Variants in TXNDC16 observed in about 807,000 individuals in gnomAD.
TXNDC16 encodes thioredoxin domain containing 16, also known as thioredoxin domain-containing protein 16.
A neutral mutation model predicts 85.6 loss-of-function variants in TXNDC16; 74 were observed. The observed-to-expected ratio is 0.86, with a 90% CI of 0.72 to 1.05. The LOEUF is 1.05. Among genes scored for constraint, TXNDC16 ranks in the 50% least tolerant of loss-of-function variants. TXNDC16 has a pLI of 0.00. For missense variants in TXNDC16, 959 were observed against 947.0 expected, an observed-to-expected ratio of 1.01 and a Z score of -0.17; for synonymous variants, 335 against 326.5, an observed-to-expected ratio of 1.03 and a Z score of -0.28.
chr14:52,458,605 G>A (rs1435095511), intron 16 of TXNDC16, among the ~76,000 whole-genome samples: 7 of 152,126 alleles, frequency 4.6e-5, no homozygotes, highest in African/African-American at 1.7e-4. Context: ...TATTTTTTTA[G>A]CCCATGCTAC....
Position 52,530,446 on chromosome 14 carries a change from T to A in TXNDC16, c.392+6273A>T, listed in dbSNP as rs868503048. On this transcript the variant is annotated intron_variant, in intron 6 of 20. Transcript: ENST00000281741. ...TTATATATAATAATATATAATATAT[T>A]ATTATATAATAATATATATTATATA... 5.4e-4 allele frequency among the ~76,000 whole-genome samples: 8 copies of A among 14,718 alleles called. 3 individuals carry two copies. Among genetic ancestry groups the A allele is most frequent in the Non-Finnish European group, 5.8e-4 (6 of 10,262 alleles). 9.7% of individuals were successfully genotyped at this position (14,718 alleles called of 152,430 possible). A position where few individuals can be genotyped will look rare whatever the true frequency, so the allele number is the denominator to read the frequency against.
chr14:52,476,688 G>T (rs565233830), intron 14 of TXNDC16, among the ~76,000 whole-genome samples: 4 of 152,264 alleles, frequency 2.6e-5, no homozygotes, highest in African/African-American at 9.6e-5. Context: ...TTGGGATTAT[G>T]TTAAACAACC....
intron 14 of TXNDC16, among the ~76,000 whole-genome samples, chr14:52,480,975 G>GTATGTATATATATATATATATATATATA (rs2036134558): frequency 1.5e-5 from 2 of 135,002 alleles, no homozygotes; most frequent in African/African-American, 5.6e-5. Context: ...ATATATATAT[G>GTATGTATATATATATATATATATATATA]TATATATATA....
intron 3 of TXNDC16, 134 bp downstream of exon 3, chr14:52,543,264 C>T (rs1228099807): frequency 2.0e-6 from 2 of 999,690 alleles, no homozygotes; most frequent in African/African-American, 1.7e-5. Context: ...CGGATTCAAA[C>T]CCAGTCAGAC....
chr14:52,478,191 G>C (rs2036061613), intron 14 of TXNDC16, among the ~76,000 whole-genome samples: 1 of 152,188 alleles, frequency 6.6e-6, no homozygotes, highest in South Asian at 2.1e-4. Flanking sequence ...GTGCTAAGAG[G>C]AAAGTTCATA....
At chr14:52,466,282 A>C (rs761862485) in intron 16 of TXNDC16, among the ~76,000 whole-genome samples, 8 of 150,588 alleles carry the variant, frequency 5.3e-5, no homozygotes, top group Non-Finnish European at 1.2e-4. Context: ...AGTCCCAACA[A>C]CCTGGGAGAA....
intron 11 of TXNDC16, 117 bp downstream of exon 11, chr14:52,490,274 G>T: frequency 1.5e-6 from 1 of 655,262 alleles, no homozygotes; most frequent in Non-Finnish European, 2.3e-6. Flanking sequence ...AATTTTCTTT[G>T]AATAGGAGCA....
At chr14:52,506,949 C>T (rs1372617982) in intron 9 of TXNDC16, among the ~76,000 whole-genome samples, 2 of 151,720 alleles carry the variant, frequency 1.3e-5, no homozygotes, top group Non-Finnish European at 2.9e-5. Flanking sequence ...AAACCCACAG[C>T]CAATATCATA....
At chr14:52,541,977 C>T (rs2037840692) in intron 4 of TXNDC16, among the ~76,000 whole-genome samples, 1 of 151,982 alleles carries the variant, frequency 6.6e-6, no homozygotes, top group South Asian at 2.1e-4. Flanking sequence ...ATTTGTTTAC[C>T]TCCATTTTGT....
rs777361270 is a variant in TXNDC16 at position 52,488,533 on chromosome 14, G to T, written c.985-47C>A. ...AAAAATGAATATAGCAAAGTATTTTGACATAAAAATGTTTTACTTGGGCCA... is the reference window on the plus strand; with the variant it reads ...AAAAATGAATATAGCAAAGTATTTTTACATAAAAATGTTTTACTTGGGCCA... On this transcript the variant is annotated intron_variant, in intron 11 of 20. Coordinates refer to ENST00000281741, the MANE Select transcript of TXNDC16 (RefSeq NM_020784.3). The T allele has an allele frequency of 4.7e-6, 7 of 1,492,174 alleles. No individual in the cohort carries two copies. The Admixed American group carries it at 9.7e-5, about 21-fold the overall frequency. 92.4% of individuals were successfully genotyped at this position (1,492,174 alleles called of 1,614,324 possible).
At position 52,502,439 on chromosome 14, in the gene TXNDC16, T is replaced by C. The variant is rs2036681334; in HGVS notation, c.756+8801A>G. On this transcript the variant is annotated intron_variant, in intron 9 of 20. Transcript: ENST00000281741. ...GACATTGTATTTTATAAAACGTGTA[T>C]TTCAAGGGGCTGTTGTTCCTACAGA... 3.9e-5 allele frequency among the ~76,000 whole-genome samples: 6 copies of C among 152,238 alleles called. No homozygotes were observed. The South Asian group carries it at 1.2e-3, about 31-fold the overall frequency.
At chr14:52,489,871 T>C (rs1420011556) in intron 11 of TXNDC16, among the ~76,000 whole-genome samples, 1 of 152,216 alleles carries the variant, frequency 6.6e-6, no homozygotes, top group African/African-American at 2.4e-5. Flanking sequence ...GGTCTGTCTC[T>C]GTCACCCAGG....
chr14:52,541,151 GCTTGA>G (rs2037822301), intron 4 of TXNDC16, among the ~76,000 whole-genome samples: 2 of 151,814 alleles, frequency 1.3e-5, no homozygotes, highest in Non-Finnish European at 2.9e-5. Context: ...CAAGAGAATC[GCTTGA>G]ACCTGGGAGG....
chr14:52,508,819 A>G (rs2036881500), intron 9 of TXNDC16, among the ~76,000 whole-genome samples: 1 of 152,172 alleles, frequency 6.6e-6, no homozygotes, highest in South Asian at 2.1e-4. Context: ...TGCAAGGACA[A>G]AAAAACCAAA....
intron 18 of TXNDC16, among the ~76,000 whole-genome samples, chr14:52,444,949 AT>A (rs1341187898): frequency 6.6e-6 from 1 of 152,178 alleles, no homozygotes; most frequent in East Asian, 1.9e-4. Flanking sequence ...GGCTAAATAA[AT>A]TTTGGTACAT....
intron 16 of TXNDC16, among the ~76,000 whole-genome samples, chr14:52,468,927 G>A (rs2035838041): frequency 6.6e-6 from 1 of 150,874 alleles, no homozygotes; most frequent in South Asian, 2.1e-4. Context: ...ACAATTTATA[G>A]AAGACATACG....
chr14:52,472,061 A>G (rs986833425), intron 14 of TXNDC16, among the ~76,000 whole-genome samples: 14 of 151,544 alleles, frequency 9.2e-5, no homozygotes, highest in Middle Eastern at 6.8e-3. Context: ...TTTATCACCA[A>G]ATGTTTTTAA....
At chr14:52,510,554 A>AG (rs11380117) in intron 9 of TXNDC16, among the ~76,000 whole-genome samples, 14,736 of 152,242 alleles carry the variant, frequency 0.097, 828 homozygotes, top group East Asian at 0.18. Flanking sequence ...GGTCATCTAA[A>AG]TTAACTTCTG....
chr14:52,440,315 T>C (rs1407037849), intron 19 of TXNDC16, among the ~76,000 whole-genome samples: 1 of 152,190 alleles, frequency 6.6e-6, no homozygotes, highest in Non-Finnish European at 1.5e-5. Context: ...ATTTTCTCAA[T>C]GGGCATCAAT....
Sources: gnomAD v4.1 joint callset for allele counts (sites outside exome capture counted in the v4.1 genomes callset) on GRCh38, gnomAD v4.1.1 for gene constraint, MANE v1.5 for transcripts, NCBI Gene and HGNC (gene_info 2026-07-23, HGNC 2026-07-21) for gene names.